The following RANBP17 variants were observed in gnomAD, a reference collection of about 807,000 sequenced individuals.
The protein encoded by RANBP17 is RAN binding protein 17.
A neutral mutation model predicts 141.2 loss-of-function variants in RANBP17; 158 were observed. The ratio of observed to expected loss-of-function variants is 1.12; its 90% CI spans 0.98 to 1.28. The LOEUF is 1.28. Ranked by LOEUF, RANBP17 falls within the 50% of genes most tolerant of loss-of-function variation. The probability of loss-of-function intolerance (pLI) is 0.00; values close to 1 mark genes in which losing one functional copy is unlikely to be tolerated. For missense variants in RANBP17, 1,438 were observed against 1,290.7 expected (o/e 1.11, Z -1.75); for synonymous variants, 430 against 450.0 (o/e 0.96, Z 0.56).
intron 14 of RANBP17, among the ~76,000 whole-genome samples, chr5:171,109,170 C>A (rs985422622): frequency 2.0e-5 from 3 of 152,090 alleles, no homozygotes; most frequent in Admixed American, 2.0e-4. Flanking sequence ...ATATGTAGAC[C>A]TTAATCCACT....
chr5:171,056,969 G>A (rs989068712), intron 14 of RANBP17, among the ~76,000 whole-genome samples: 19 of 152,052 alleles, frequency 1.2e-4, no homozygotes, highest in African/African-American at 4.6e-4. Flanking sequence ...TGAAAATCTT[G>A]TTCAAGAAAG....
At chr5:171,260,300 C>CAAA (rs35656692) in intron 24 of RANBP17, among the ~76,000 whole-genome samples, 68 of 108,542 alleles carry the variant, frequency 6.3e-4, no homozygotes, top group East Asian at 1.6e-3. Context: ...GACTCCATCT[C>CAAA]AAAAAAAAAA....
intron 14 of RANBP17, among the ~76,000 whole-genome samples, chr5:170,982,184 GTGATGAAGAAGCTTATTCAAGAGAGAGAC>G (rs1777818628): frequency 6.6e-6 from 1 of 152,218 alleles, no homozygotes; most frequent in South Asian, 2.1e-4. Context: ...AAATGCTTTT[GTGATGAAGAAGCTTATTCAAGAGAGAGAC>G]CTACAGATAT....
intron 14 of RANBP17, among the ~76,000 whole-genome samples, chr5:171,073,028 A>G (rs1345724803): frequency 2.0e-5 from 3 of 152,086 alleles, no homozygotes; most frequent in African/African-American, 7.2e-5. Flanking sequence ...AAGAACAGAA[A>G]ACAGATAGGT....
intron 1 of RANBP17, among the ~76,000 whole-genome samples, chr5:170,865,340 G>A (rs1767157464): frequency 1.3e-5 from 2 of 152,178 alleles, no homozygotes; most frequent in African/African-American, 4.8e-5. Context: ...TAGGATTACA[G>A]GAGTGAGCCA....
chr5:170,914,027 T>C, intron 7 of RANBP17, 140 bp from the exon 8 acceptor site: 1 of 631,244 alleles, frequency 1.6e-6, no homozygotes, highest in Non-Finnish European at 2.8e-6. Context: ...GGAAAATAGC[T>C]AGGAATTAAA....
chr5:170,981,770 A>G (rs923579608), intron 14 of RANBP17, among the ~76,000 whole-genome samples: 1 of 152,148 alleles, frequency 6.6e-6, no homozygotes, highest in Non-Finnish European at 1.5e-5. Context: ...AACCAGATGT[A>G]TAAGCGGTAT....
At chr5:171,188,426 C>A (rs1297513020) in intron 18 of RANBP17, among the ~76,000 whole-genome samples, 1 of 152,200 alleles carries the variant, frequency 6.6e-6, no homozygotes, top group African/African-American at 2.4e-5. Flanking sequence ...GTGTGCTAAA[C>A]TCTGAGGGCA....
chr5:171,286,442 A>G (rs539959318), intron 25 of RANBP17, among the ~76,000 whole-genome samples: 6 of 152,130 alleles, frequency 3.9e-5, no homozygotes, highest in Non-Finnish European at 8.8e-5. Flanking sequence ...AATGCTAAAT[A>G]CTTTTATTAT....
chr5:171,277,938 C>CTTT (rs140208253), intron 25 of RANBP17, among the ~76,000 whole-genome samples: 1,430 of 72,240 alleles, frequency 0.02, 9 homozygotes, highest in Non-Finnish European at 0.022. Flanking sequence ...GGACTTCTTT[C>CTTT]TTTTTTTTTT....
chr5:170,955,357 C>T (rs1775532780), intron 13 of RANBP17, among the ~76,000 whole-genome samples: 1 of 150,420 alleles, frequency 6.6e-6, no homozygotes, highest in South Asian at 2.1e-4. Flanking sequence ...CTAGCTTTGC[C>T]ATTTTTTCTT....
intron 14 of RANBP17, among the ~76,000 whole-genome samples, chr5:171,123,609 C>T (rs1483222113): frequency 6.6e-6 from 1 of 152,262 alleles, no homozygotes; most frequent in Non-Finnish European, 1.5e-5. Context: ...CCATTGGCAC[C>T]CACGTGCATT....
chr5:171,261,262 G>A (rs1476281081), intron 24 of RANBP17, among the ~76,000 whole-genome samples: 1 of 152,110 alleles, frequency 6.6e-6, no homozygotes, highest in East Asian at 1.9e-4. Context: ...TACAAAGCAG[G>A]TAATATTAAT....
At chr5:170,902,887 T>G (rs1489796562) in intron 5 of RANBP17, among the ~76,000 whole-genome samples, 1 of 152,188 alleles carries the variant, frequency 6.6e-6, no homozygotes, top group Non-Finnish European at 1.5e-5. Context: ...CTGTTTCCTC[T>G]TCTGGAAGCT....
At chr5:171,153,144 A>G (rs1049269989) in intron 14 of RANBP17, among the ~76,000 whole-genome samples, 1 of 152,150 alleles carries the variant, frequency 6.6e-6, no homozygotes, top group Non-Finnish European at 1.5e-5. Flanking sequence ...GATTGATTGG[A>G]TATTGATTAG....
intron 16 of RANBP17, among the ~76,000 whole-genome samples, chr5:171,179,874 C>T (rs1324322792): frequency 1.3e-5 from 2 of 152,144 alleles, no homozygotes; most frequent in Non-Finnish European, 2.9e-5. Context: ...CAAGCAGCTA[C>T]TGAATTGTGT....
Position 170,924,502 on chromosome 5 carries a change from C to G in RANBP17, c.1420C>G (p.Leu474Val). The stretch of plus-strand genomic sequence containing the variant: ...CCAAAATGCACAGAATTACCAAAAA[C>G]TTCTGCATCCATATTCTGGTGTAAC... The part of the protein sequence containing the change: ...FDQNAQNYQK[L>V]LHPYSGVTVD... Residue 474 changes from leucine (L) to valine (V), a missense_variant, in exon 12 of 28, where the codon CTT becomes GTT. Physicochemically the swap from Leu to Val is conservative, Grantham distance 32. Coordinates refer to ENST00000523189, the MANE Select transcript of RANBP17 (RefSeq NM_022897.5). 1 of 1,612,316 alleles carries G rather than the reference C, an allele frequency of 6.2e-7. No homozygotes were observed. The highest frequency in any genetic ancestry group is 1.3e-5 in the African/African-American group (1 of 75,018).
chr5:171,186,749 G>T (rs1297574814), intron 18 of RANBP17, among the ~76,000 whole-genome samples: 1 of 149,972 alleles, frequency 6.7e-6, no homozygotes, highest in Admixed American at 6.6e-5. Flanking sequence ...TTTTAGCCGG[G>T]ATGGTCTCGA....
At chr5:171,088,848 C>T (rs1228097527) in intron 14 of RANBP17, among the ~76,000 whole-genome samples, 1 of 152,074 alleles carries the variant, frequency 6.6e-6, no homozygotes, top group African/African-American at 2.4e-5. Flanking sequence ...ATTGGTTATT[C>T]TAGTTATACA....
Sources: gnomAD v4.1 joint callset for allele counts (sites outside exome capture counted in the v4.1 genomes callset) on GRCh38, gnomAD v4.1.1 for gene constraint, MANE v1.5 for transcripts, NCBI Gene and HGNC (gene_info 2026-07-23, HGNC 2026-07-21) for gene names.